Variants in DIP2C observed in about 807,000 individuals in gnomAD.
DIP2C encodes DIP2 acetate--CoA ligase C (putative), also known as disco-interacting protein 2 homolog C.
In DIP2C, 33 loss-of-function variants were observed where a neutral mutation model predicts 192.4. The ratio of observed to expected loss-of-function variants is 0.17; its 90% CI spans 0.13 to 0.23. The LOEUF (loss-of-function observed/expected upper bound fraction) is 0.23, where lower values mean the gene tolerates loss of function less well. Among genes scored for constraint, DIP2C ranks in the 10% least tolerant of loss-of-function variants. The pLI, the probability that DIP2C is intolerant of heterozygous loss-of-function variation, is 1.00. For missense variants in DIP2C, 1,537 were observed against 2,110.1 expected (o/e 0.73, Z 5.32); for synonymous variants, 979 against 864.1 (o/e 1.13, Z -2.33).
chr10:450,157 G>A (rs1019489753), intron 3 of DIP2C, among the ~76,000 whole-genome samples: 29 of 152,146 alleles, frequency 1.9e-4, no homozygotes, highest in Admixed American at 1.8e-3. Flanking sequence ...ATGTGGACCC[G>A]ACACAAGAGA....
chr10:424,492 G>A (rs1481585492), intron 4 of DIP2C, among the ~76,000 whole-genome samples: 1 of 150,254 alleles, frequency 6.7e-6, no homozygotes, highest in Non-Finnish European at 1.5e-5. Flanking sequence ...CAGCCTCCCA[G>A]GTAGCTGAGA....
chr10:530,190 C>T (rs1442797996), intron 1 of DIP2C, among the ~76,000 whole-genome samples: 2 of 152,232 alleles, frequency 1.3e-5, no homozygotes, highest in African/African-American at 2.4e-5. Flanking sequence ...AGATGCAGCA[C>T]GTGAGCACAG....
At chr10:396,293 T>C (rs546387898) in intron 10 of DIP2C, among the ~76,000 whole-genome samples, 20 of 152,210 alleles carry the variant, frequency 1.3e-4, no homozygotes, top group South Asian at 4.1e-4. Flanking sequence ...TTTGAGATAA[T>C]AGGATGGCAT....
chr10:627,071 A>G (rs1854248929), intron 1 of DIP2C, among the ~76,000 whole-genome samples: 1 of 152,188 alleles, frequency 6.6e-6, no homozygotes, highest in Non-Finnish European at 1.5e-5. Flanking sequence ...CCGTACCAGG[A>G]TTTCGCTCGG....
At chr10:633,276 G>A (rs925103616) in intron 1 of DIP2C, among the ~76,000 whole-genome samples, 5 of 152,214 alleles carry the variant, frequency 3.3e-5, no homozygotes, top group Non-Finnish European at 7.3e-5. Context: ...AATAAAACCC[G>A]GGGCCGCCTG....
intron 2 of DIP2C, among the ~76,000 whole-genome samples, chr10:474,823 G>C (rs1218497049): frequency 6.6e-6 from 1 of 152,178 alleles, no homozygotes; most frequent in East Asian, 1.9e-4. Context: ...ACTTCACTCT[G>C]ATGCTATAAT....
intron 1 of DIP2C, among the ~76,000 whole-genome samples, chr10:585,858 A>G (rs888491139): frequency 1.3e-5 from 2 of 152,202 alleles, no homozygotes; most frequent in Non-Finnish European, 2.9e-5. Context: ...TCAAGACTGA[A>G]TTTTATCTAT....
intron 1 of DIP2C, among the ~76,000 whole-genome samples, chr10:587,177 G>A (rs752056182): frequency 3.3e-4 from 50 of 151,416 alleles, no homozygotes; most frequent in Non-Finnish European, 4.1e-4. Context: ...ACAGTGTGGC[G>A]AGGGGCAAAC....
chr10:579,810 C>T (rs1437083441), intron 1 of DIP2C, among the ~76,000 whole-genome samples: 3 of 151,808 alleles, frequency 2.0e-5, no homozygotes, highest in East Asian at 1.9e-4. Flanking sequence ...CATAGGTACA[C>T]TATAATGTGT....
At chr10:414,711 G>GTA (rs1965432544) in intron 7 of DIP2C, among the ~76,000 whole-genome samples, 7 of 68,662 alleles carry the variant, frequency 1.0e-4, no homozygotes, top group Non-Finnish European at 1.4e-4. Context: ...GTATGTATGT[G>GTA]TGTGTGTGTG....
At chr10:440,777 T>G in intron 4 of DIP2C, 94 bp downstream of exon 4, 1 of 1,494,342 alleles carries the variant, frequency 6.7e-7, no homozygotes, top group Non-Finnish European at 8.9e-7. Context: ...ACTGCTTCAT[T>G]ATTTTGAAAG....
chr10:447,847 C>G lies in DIP2C; in HGVS notation c.269-6851G>C, dbSNP rs12769832. ...TCGATACTCAGGATCACACACAGTG[C>G]GGCAGCAGGACCCACTCATTCCCAT... On this transcript the variant is annotated intron_variant, in intron 3 of 36. Transcript: ENST00000280886. Among the ~76,000 whole-genome samples the G allele has an allele frequency of 2.7e-3, 181 of 68,222 alleles. No individual in the cohort carries two copies. The Middle Eastern group carries it at 0.062, about 24-fold the overall frequency. 44.8% of individuals were successfully genotyped at this position (68,222 alleles called of 152,430 possible).
chr10:291,925 A>C (rs2132207284), intron 32 of DIP2C, among the ~76,000 whole-genome samples: 1 of 152,198 alleles, frequency 6.6e-6, no homozygotes, highest in South Asian at 2.1e-4. Context: ...GAGCAGGAGG[A>C]CTCCATGGGG....
At chr10:548,208 A>ACCTC (rs770252075) in intron 1 of DIP2C, among the ~76,000 whole-genome samples, 3 of 58,258 alleles carry the variant, frequency 5.1e-5, no homozygotes, top group Non-Finnish European at 7.1e-5. Flanking sequence ...AGTCTGCCCC[A>ACCTC]CCCCCCCCCC....
At chr10:598,319 A>G (rs1851840276) in intron 1 of DIP2C, among the ~76,000 whole-genome samples, 2 of 152,188 alleles carry the variant, frequency 1.3e-5, no homozygotes, top group African/African-American at 4.8e-5. Flanking sequence ...GGCAGCTGCG[A>G]TCACATTTCC....
At chr10:508,748 A>C (rs557747210) in intron 1 of DIP2C, among the ~76,000 whole-genome samples, 2 of 152,306 alleles carry the variant, frequency 1.3e-5, no homozygotes, top group Admixed American at 6.5e-5. Context: ...CGTCCAGAAG[A>C]AGCCACTTAA....
chr10:386,507 G>C (rs1457400983), intron 14 of DIP2C, among the ~76,000 whole-genome samples: 1 of 152,056 alleles, frequency 6.6e-6, no homozygotes, highest in African/African-American at 2.4e-5. Flanking sequence ...TCCCAAAGCA[G>C]GGGCTCCCCA....
chr10:317,510 C>G (rs1055141291), intron 31 of DIP2C, among the ~76,000 whole-genome samples: 1 of 152,188 alleles, frequency 6.6e-6, no homozygotes, highest in African/African-American at 2.4e-5. Context: ...AGCACCCAGA[C>G]GTGACACGGC....
chr10:457,746 G>A (rs376068688), intron 3 of DIP2C, among the ~76,000 whole-genome samples: 1 of 143,194 alleles, frequency 7.0e-6, no homozygotes, highest in South Asian at 2.1e-4. Flanking sequence ...TGTAGAGATG[G>A]GCTCTGACTT....
Sources: allele counts gnomAD v4.1 joint callset (sites outside exome capture counted in the v4.1 genomes callset), GRCh38; gene constraint gnomAD v4.1.1; transcripts MANE v1.5; gene names NCBI Gene and HGNC (gene_info 2026-07-23, HGNC 2026-07-21).